MMP26: variants seen among roughly 807,000 people sequenced by gnomAD.
MMP26 encodes the protein matrix metalloproteinase-26.
Under a neutral mutation model 31.0 loss-of-function variants are expected in MMP26, and 33 were observed. That is an observed-to-expected ratio of 1.06 (90% confidence interval 0.81 to 1.42). The LOEUF (loss-of-function observed/expected upper bound fraction) is 1.42, where lower values mean the gene tolerates loss of function less well. Among genes scored for constraint, MMP26 ranks in the 40% most tolerant of loss-of-function variants. The pLI, the probability that MMP26 is intolerant of heterozygous loss-of-function variation, is 0.00. For missense variants in MMP26, 347 were observed against 316.1 expected (o/e 1.10, Z -0.74); for synonymous variants, 122 against 114.9 (o/e 1.06, Z -0.40).
intron 2 of MMP26, chr11:4,832,530 G>A (rs1849660607): frequency 6.6e-6 from 1 of 152,320 alleles, no homozygotes; most frequent in African/African-American, 2.4e-5. Context: ...AACCCCCTAA[G>A]ATATAGCTCT....
chr11:4,815,508 A>G (rs894518629), intron 2 of MMP26, among the ~76,000 whole-genome samples: 5 of 152,118 alleles, frequency 3.3e-5, no homozygotes, highest in African/African-American at 1.2e-4. Flanking sequence ...CTTTTGGCTT[A>G]GTGATTTTGG....
chr11:4,854,808 C>T (rs1850026111), intron 2 of MMP26, among the ~76,000 whole-genome samples: 1 of 152,168 alleles, frequency 6.6e-6, no homozygotes, highest in South Asian at 2.1e-4. Flanking sequence ...TGGGAGACAT[C>T]CCCCAGTAGG....
At chr11:4,804,226 A>C in intron 2 of MMP26, 3 of 1,614,026 alleles carry the variant, frequency 1.9e-6, no homozygotes, top group Non-Finnish European at 2.5e-6. Context: ...GTCAATTCTG[A>C]TTACATGGAG....
chr11:4,941,785 T>TA (rs1846209643), intron 2 of MMP26, among the ~76,000 whole-genome samples: 2 of 5,580 alleles, frequency 3.6e-4, no homozygotes, highest in South Asian at 0.011. Flanking sequence ...CTGCAGGTTC[T>TA]TTTTTTTAAA....
chr11:4,786,279 G>T (rs1374592899), intron 2 of MMP26, among the ~76,000 whole-genome samples: 1 of 152,082 alleles, frequency 6.6e-6, no homozygotes, highest in Non-Finnish European at 1.5e-5. Context: ...ACAGTTATCT[G>T]CATGAAGAGG....
rs201742700 is a variant in MMP26 at position 4,861,136 on chromosome 11, TAC to T, written c.-145+93801_-145+93802del. ...ATATGTATATACATATACATATAGA[TAC>T]ACACAGTTTCCAAGTATATACATAT... On this transcript the variant is annotated intron_variant, in intron 2 of 7. Coordinates refer to ENST00000380390, the MANE Select transcript of MMP26 (RefSeq NM_021801.5). 8.5e-3 allele frequency among the ~76,000 whole-genome samples: 1,267 copies of T among 149,604 alleles called. 26 individuals carry two copies. The highest frequency in any genetic ancestry group is 0.028 in the African/African-American group (1,150 of 40,960).
At chr11:4,848,192 T>C in intron 2 of MMP26, 1 of 1,540,208 alleles carries the variant, frequency 6.5e-7, no homozygotes, top group Non-Finnish European at 8.7e-7. Flanking sequence ...ACAGAAACTT[T>C]AGTATCAGGA....
intron 2 of MMP26, among the ~76,000 whole-genome samples, chr11:4,969,910 T>C (rs940963809): frequency 1.3e-4 from 20 of 152,214 alleles, no homozygotes; most frequent in Non-Finnish European, 1.8e-4. Flanking sequence ...AGTTTTTTCC[T>C]AGGAATTTTA....
chr11:4,766,179 T>C (rs1848626467), intron 1 of MMP26, among the ~76,000 whole-genome samples: 1 of 152,236 alleles, frequency 6.6e-6, no homozygotes, highest in Non-Finnish European at 1.5e-5. Flanking sequence ...TTATAGTCTC[T>C]TTCTTATCTT....
chr11:4,802,400 A>G (rs1266340192), intron 2 of MMP26, among the ~76,000 whole-genome samples: 2 of 152,184 alleles, frequency 1.3e-5, no homozygotes, highest in Non-Finnish European at 2.9e-5. Context: ...CTGGAGGACA[A>G]TTTGCTATCT....
intron 2 of MMP26, among the ~76,000 whole-genome samples, chr11:4,845,127 A>G (rs1375422388): frequency 6.6e-6 from 1 of 152,280 alleles, no homozygotes; most frequent in Middle Eastern, 3.4e-3. Context: ...ATTAAAAAGA[A>G]AAAGAAATTA....
At position 4,821,538 on chromosome 11, in the gene MMP26, T is replaced by A. The variant is rs777711898; in HGVS notation, c.-145+54197T>A. On this transcript the variant is annotated intron_variant, in intron 2 of 7. Transcript: ENST00000380390. ...TCCCTTTTTGTCTCCTATATGTTGT[T>A]GCCGTCTCTGGAAATAGCATGATCC... is the stretch of plus-strand genomic sequence containing the variant. 4 of 1,612,584 alleles carry A rather than the reference T, an allele frequency of 2.5e-6. No homozygotes were observed. The South Asian group carries it at 3.3e-5, about 13-fold the overall frequency.
chr11:4,737,043 T>C, intron 1 of MMP26: 1 of 152,762 alleles, frequency 6.5e-6, no homozygotes, highest in South Asian at 2.1e-4. Flanking sequence ...CTTCTAGTCC[T>C]GGAACTCCAG....
intron 2 of MMP26, chr11:4,794,271 A>T (rs1849074278): frequency 6.6e-6 from 1 of 152,182 alleles, no homozygotes; most frequent in South Asian, 2.1e-4. Context: ...ATTGTGAGAA[A>T]CACACTCACC....
chr11:4,988,957 A>C (rs1437757021), intron 3 of MMP26, among the ~76,000 whole-genome samples: 1 of 152,226 alleles, frequency 6.6e-6, no homozygotes, highest in Non-Finnish European at 1.5e-5. Flanking sequence ...TTTAAAAAAA[A>C]CAGTCAATAG....
intron 2 of MMP26, among the ~76,000 whole-genome samples, chr11:4,838,447 C>A (rs1417065977): frequency 6.7e-6 from 1 of 148,436 alleles, no homozygotes; most frequent in Non-Finnish European, 1.5e-5. Flanking sequence ...AGCCAGCAAT[C>A]GTGACCTGGA....
intron 1 of MMP26, among the ~76,000 whole-genome samples, chr11:4,745,449 G>A (rs780379093): frequency 6.6e-6 from 1 of 152,130 alleles, no homozygotes; most frequent in African/African-American, 2.4e-5. Context: ...AATAGACTTT[G>A]TTAGATAAGT....
chr11:4,774,035 A>G (rs1848760363), intron 2 of MMP26, among the ~76,000 whole-genome samples: 2 of 152,196 alleles, frequency 1.3e-5, no homozygotes, highest in African/African-American at 2.4e-5. Flanking sequence ...TATCCAGTCT[A>G]TCATTAGTGG....
intron 2 of MMP26, among the ~76,000 whole-genome samples, chr11:4,870,062 G>A (rs1488949045): frequency 1.3e-5 from 2 of 151,998 alleles, no homozygotes; most frequent in African/African-American, 4.8e-5. Flanking sequence ...TCACACACTG[G>A]GGCCTGTTGT....
Sources: gnomAD v4.1 joint callset for allele counts (sites outside exome capture counted in the v4.1 genomes callset) on GRCh38, gnomAD v4.1.1 for gene constraint, MANE v1.5 for transcripts, NCBI Gene and HGNC (gene_info 2026-07-23, HGNC 2026-07-21) for gene names.